The following AFG2A variants were observed in gnomAD, a reference collection of about 807,000 sequenced individuals.
The protein encoded by AFG2A is AAA ATPase AFG2A.
the AFG2A span, among the ~76,000 whole-genome samples, chr4:123,138,408 T>C: frequency 6.6e-6 from 1 of 152,206 alleles, no homozygotes; most frequent in South Asian, 2.1e-4. Flanking sequence ...ACACATTCTT[T>C]GAGTGTTCTA....
At chr4:123,103,325 A>G in the AFG2A span, among the ~76,000 whole-genome samples, 1 of 152,134 alleles carries the variant, frequency 6.6e-6, no homozygotes, top group Non-Finnish European at 1.5e-5. Flanking sequence ...GAAAAAGGAA[A>G]GTTGAACAGT....
At chr4:123,114,907 G>T in the AFG2A span, among the ~76,000 whole-genome samples, 1 of 152,224 alleles carries the variant, frequency 6.6e-6, no homozygotes, top group South Asian at 2.1e-4. Flanking sequence ...AGCACCTTTG[G>T]CCAGGTGCTT....
At chr4:123,033,009 C>T in the AFG2A span, among the ~76,000 whole-genome samples, 1 of 152,064 alleles carries the variant, frequency 6.6e-6, no homozygotes, top group Non-Finnish European at 1.5e-5. Context: ...AGGACATAAC[C>T]CCCTTGTAAA....
the AFG2A span, among the ~76,000 whole-genome samples, chr4:123,237,869 G>A: frequency 6.6e-6 from 1 of 152,008 alleles, no homozygotes; most frequent in African/African-American, 2.4e-5. Flanking sequence ...AAATAGGGTG[G>A]GGCATTGCCT....
the AFG2A span, among the ~76,000 whole-genome samples, chr4:123,112,372 A>G: frequency 6.6e-6 from 1 of 152,194 alleles, no homozygotes; most frequent in East Asian, 1.9e-4. Flanking sequence ...TCTTGGGATT[A>G]AAATTCAAGC....
chr4:123,152,695 T>C, the AFG2A span, among the ~76,000 whole-genome samples: 2 of 152,202 alleles, frequency 1.3e-5, no homozygotes, highest in South Asian at 2.1e-4. Flanking sequence ...TGGAAGACAG[T>C]TGGATAGTTT....
chr4:123,141,475 A>G, the AFG2A span, among the ~76,000 whole-genome samples: 1 of 152,156 alleles, frequency 6.6e-6, no homozygotes, highest in Non-Finnish European at 1.5e-5. Context: ...AAAACAAAAC[A>G]AAACAAACAA....
the AFG2A span, among the ~76,000 whole-genome samples, chr4:123,007,876 A>G: frequency 6.6e-6 from 1 of 151,908 alleles, no homozygotes; most frequent in Non-Finnish European, 1.5e-5. Context: ...GAGCAATCAT[A>G]GGGCTCATCT....
the AFG2A span, among the ~76,000 whole-genome samples, chr4:123,125,800 T>C: frequency 6.6e-6 from 1 of 152,234 alleles, no homozygotes; most frequent in Non-Finnish European, 1.5e-5. Flanking sequence ...GGTTTTGTTT[T>C]ATAATTCAAA....
chr4:123,145,361 G>A, the AFG2A span, among the ~76,000 whole-genome samples: 2 of 151,878 alleles, frequency 1.3e-5, no homozygotes, highest in African/African-American at 4.8e-5. Flanking sequence ...GTTGGCTTCA[G>A]TTTCTTCATT....
the AFG2A span, among the ~76,000 whole-genome samples, chr4:123,198,009 G>T: frequency 0.053 from 8,050 of 151,976 alleles, 710 homozygotes; most frequent in African/African-American, 0.18. Flanking sequence ...GATGGCTTAC[G>T]CTTGCAATCC....
the AFG2A span, among the ~76,000 whole-genome samples, chr4:123,179,307 CTACTTACT>C: frequency 4.2e-3 from 634 of 149,672 alleles, 2 homozygotes; most frequent in East Asian, 6.4e-3. Context: ...CTCACACATA[CTACTTACT>C]TACTTACTTA....
chr4:123,099,225 C>T, the AFG2A span, among the ~76,000 whole-genome samples: 1 of 151,684 alleles, frequency 6.6e-6, no homozygotes, highest in African/African-American at 2.4e-5. Flanking sequence ...CTGTTGAGTT[C>T]CTTATAAATT....
the AFG2A span, among the ~76,000 whole-genome samples, chr4:123,297,402 A>G: frequency 2.0e-5 from 3 of 152,188 alleles, no homozygotes; most frequent in Non-Finnish European, 4.4e-5. Context: ...TACCTAGACT[A>G]CTAATGAACA....
At chr4:123,082,505 T>C in the AFG2A span, among the ~76,000 whole-genome samples, 1 of 138,428 alleles carries the variant, frequency 7.2e-6, no homozygotes, top group African/African-American at 2.5e-5. Flanking sequence ...TGTGTCTCTG[T>C]CTCTCTCTCT....
At chr4:123,009,314 G>A in the AFG2A span, among the ~76,000 whole-genome samples, 1 of 152,134 alleles carries the variant, frequency 6.6e-6, no homozygotes, top group African/African-American at 2.4e-5. Flanking sequence ...TACAGTGCTG[G>A]CGTGACTGAC....
At chr4:123,247,050 G>A in the AFG2A span, among the ~76,000 whole-genome samples, 2 of 151,760 alleles carry the variant, frequency 1.3e-5, no homozygotes, top group Non-Finnish European at 2.9e-5. Flanking sequence ...TAATTTTAAG[G>A]TTACACCTAC....
chr4:123,056,749 T>C, the AFG2A span, among the ~76,000 whole-genome samples: 2 of 152,228 alleles, frequency 1.3e-5, no homozygotes, highest in Non-Finnish European at 2.9e-5. Flanking sequence ...ATACCTATCA[T>C]TTATTGAGCT....
the AFG2A span, among the ~76,000 whole-genome samples, chr4:123,074,124 C>G: frequency 3.8e-4 from 37 of 97,740 alleles, no homozygotes; most frequent in East Asian, 5.5e-3. Flanking sequence ...GGCAGAGTCT[C>G]GCTCTGTTGC....
Sources: gnomAD v4.1 joint callset for allele counts (sites outside exome capture counted in the v4.1 genomes callset) on GRCh38, gnomAD v4.1.1 for gene constraint, MANE v1.5 for transcripts, NCBI Gene and HGNC (gene_info 2026-07-23, HGNC 2026-07-21) for gene names.